RAPGEF6: variants seen among roughly 807,000 people sequenced by gnomAD.
RAPGEF6 encodes PDZ domain containing guanine nucleotide exchange factor (GEF) 2.
RAPGEF6 carries 56 observed loss-of-function variants against 171.4 expected under a neutral mutation model. The ratio of observed to expected loss-of-function variants is 0.33; its 90% CI spans 0.26 to 0.41. The LOEUF is 0.41. Ranked by LOEUF, RAPGEF6 falls within the 10% of genes least tolerant of loss-of-function variation. The pLI, the probability that RAPGEF6 is intolerant of heterozygous loss-of-function variation, is 1.00. For missense variants in RAPGEF6, 1,674 were observed against 1,921.4 expected, an observed-to-expected ratio of 0.87 and a Z score of 2.41; for synonymous variants, 692 against 650.1, an observed-to-expected ratio of 1.06 and a Z score of -0.98.
chr5:131,481,520 C>T lies in RAPGEF6; in HGVS notation c.1841-1767G>A, dbSNP rs144755982. 5.2e-3 allele frequency among the ~76,000 whole-genome samples: 795 copies of T among 152,264 alleles called. 5 individuals are homozygous for T. The highest frequency in any genetic ancestry group is 0.018 in the African/African-American group (756 of 41,546). On this transcript the variant is annotated intron_variant, in intron 15 of 27. Coordinates refer to ENST00000509018, the MANE Select transcript of RAPGEF6 (RefSeq NM_016340.6). ...GCTGGGATTACAGGCGTTAAGCCAC[C>T]GTGCCCGGCCTCAGATATCTTTCTA...
chr5:131,547,708 A>C (rs536648540), intron 6 of RAPGEF6, among the ~76,000 whole-genome samples: 1 of 151,692 alleles, frequency 6.6e-6, no homozygotes, highest in Non-Finnish European at 1.5e-5. Flanking sequence ...TGGGGGTTTC[A>C]CCATATTGGC....
chr5:131,450,005 G>A lies in RAPGEF6; in HGVS notation c.3200+3049C>T, dbSNP rs528038196. The A allele has an allele frequency of 3.7e-5, 57 of 1,536,856 alleles. No individual in the cohort carries two copies. In the East Asian group the frequency reaches 5.8e-4, roughly 16 times the overall value. The stretch of plus-strand genomic sequence containing the variant: ...GTCGCACAACCTTCATTCCAGTTGC[G>A]TTCATCTCTACACTTACCCCAGACT... On this transcript the variant is annotated intron_variant, in intron 21 of 27. Coordinates refer to ENST00000509018, the MANE Select transcript of RAPGEF6 (RefSeq NM_016340.6).
chr5:131,519,644 C>T (rs1246949581), intron 7 of RAPGEF6, among the ~76,000 whole-genome samples: 2 of 152,148 alleles, frequency 1.3e-5, no homozygotes, highest in Admixed American at 6.5e-5. Flanking sequence ...TCAGGTAATC[C>T]GCCCGCCTAG....
intron 17 of RAPGEF6, among the ~76,000 whole-genome samples, chr5:131,465,945 G>GAAAAC (rs571685413): frequency 1.3e-5 from 2 of 151,850 alleles, no homozygotes; most frequent in African/African-American, 2.4e-5. Context: ...GCCTTTAGAG[G>GAAAAC]AAAACAAAAC....
At chr5:131,493,949 C>T (rs543812404) in intron 13 of RAPGEF6, among the ~76,000 whole-genome samples, 1 of 152,250 alleles carries the variant, frequency 6.6e-6, no homozygotes, top group Admixed American at 6.5e-5. Context: ...ACATGTGCTG[C>T]CGAGAAGTCA....
intron 17 of RAPGEF6, among the ~76,000 whole-genome samples, chr5:131,465,243 T>C (rs1214119466): frequency 1.3e-5 from 2 of 152,136 alleles, no homozygotes; most frequent in Non-Finnish European, 2.9e-5. Context: ...ATTTCTGCTA[T>C]TAGTAGAAAA....
chr5:131,571,021 T>C (rs917917548), intron 4 of RAPGEF6, among the ~76,000 whole-genome samples: 8 of 149,742 alleles, frequency 5.3e-5, no homozygotes, highest in African/African-American at 2.0e-4. Context: ...CTCCACTCAC[T>C]GCAACCTCCG....
At chr5:131,625,044 A>ACT (rs1302266429) in intron 1 of RAPGEF6, among the ~76,000 whole-genome samples, 2 of 152,014 alleles carry the variant, frequency 1.3e-5, no homozygotes, top group Non-Finnish European at 2.9e-5. Flanking sequence ...CGGGCAGATC[A>ACT]TGAGGTCAGC....
chr5:131,569,929 C>A (rs934424149), intron 4 of RAPGEF6, among the ~76,000 whole-genome samples: 3 of 149,434 alleles, frequency 2.0e-5, no homozygotes, highest in African/African-American at 4.9e-5. Context: ...GCAATCCCAG[C>A]TACTTGGGAG....
In RAPGEF6 at chr5:131,464,218, C is replaced by T. The variant is rs1420871848; in HGVS notation, c.2303G>A (p.Ser768Asn). 6.2e-7 allele frequency: 1 copy of T among 1,613,804 alleles called. No individual in the cohort carries two copies. Among genetic ancestry groups the T allele is most frequent in the Non-Finnish European group, 8.5e-7 (1 of 1,179,774 alleles). ...VDQQSCYIII[S>N]KDTTAKEVVF... is the part of the protein sequence containing the mutation. The stretch of plus-strand genomic sequence containing the variant: ...TACTTCTTTAGCTGTGGTGTCTTTA[C>T]TGATGATAATGTAGCAACTTTGCTG... The change falls in exon 18 of 28, where the codon AGT (serine) becomes AAT (asparagine). Residue 768 changes from serine (S) to asparagine (N), a missense_variant. By Grantham distance (46) the Ser-to-Asn change is conservative. Around this residue, in one of 3 missense-constraint regions of RAPGEF6, gnomAD observed 1,116 missense variants for 1,321.5 expected, o/e 0.84. Coordinates refer to ENST00000509018, the MANE Select transcript of RAPGEF6 (RefSeq NM_016340.6).
At chr5:131,443,685 C>A (rs1680120193) in intron 22 of RAPGEF6, among the ~76,000 whole-genome samples, 1 of 152,188 alleles carries the variant, frequency 6.6e-6, no homozygotes, top group Non-Finnish European at 1.5e-5. Flanking sequence ...ACTTGACTTG[C>A]TTACCTTTCC....
intron 4 of RAPGEF6, among the ~76,000 whole-genome samples, chr5:131,581,707 A>G (rs1161549855): frequency 6.6e-6 from 1 of 152,158 alleles, no homozygotes; most frequent in African/African-American, 2.4e-5. Flanking sequence ...AAAGACAGGA[A>G]TGTAAGGTCC....
Position 131,548,071 on chromosome 5 carries a change from A to G in RAPGEF6, c.471T>C (p.Asp157=). The part of the protein sequence containing the change: ...YKGERQTITD[D]VEVNSYLSLP... ...CAGAAAGATAGCTGTTAACCTCCAC[A>G]TCATCAGTAATGGTTTGGCGCTCTC... Residue 157 remains aspartate (D), a synonymous_variant, in exon 6 of 28, where the codon GAT becomes GAC. Coordinates refer to ENST00000509018, the MANE Select transcript of RAPGEF6 (RefSeq NM_016340.6). The G allele has an allele frequency of 5.6e-6, 9 of 1,613,892 alleles. No homozygotes were observed. Among genetic ancestry groups the G allele is most frequent in the Non-Finnish European group, 5.9e-6 (7 of 1,179,942 alleles).
intron 7 of RAPGEF6, among the ~76,000 whole-genome samples, chr5:131,515,871 T>G (rs1357737515): frequency 6.6e-6 from 1 of 151,940 alleles, no homozygotes; most frequent in Admixed American, 6.6e-5. Flanking sequence ...TACATTGTAG[T>G]TAGAGGTAAA....
chr5:131,578,168 T>G lies in RAPGEF6; in HGVS notation c.281+14215A>C, dbSNP rs192240441. The stretch of plus-strand genomic sequence containing the variant: ...TCAGTGGCAAGGTACACTCCAATTC[T>G]TCTATCCTGATGAAGTCCTTTTTTT... On this transcript the variant is annotated intron_variant, in intron 4 of 27. Coordinates refer to ENST00000509018, the MANE Select transcript of RAPGEF6 (RefSeq NM_016340.6). 9.7e-4 allele frequency among the ~76,000 whole-genome samples: 148 copies of G among 152,252 alleles called. 1 individual carries two copies. Among genetic ancestry groups the G allele is most frequent in the Non-Finnish European group, 1.0e-3 (69 of 68,018 alleles).
intron 1 of RAPGEF6, among the ~76,000 whole-genome samples, chr5:131,610,151 C>T (rs778325691): frequency 6.6e-6 from 1 of 152,188 alleles, no homozygotes; most frequent in Non-Finnish European, 1.5e-5. Flanking sequence ...GCAGGAAGAA[C>T]AGATGGGCCT....
chr5:131,436,073 C>T, intron 24 of RAPGEF6: 1 of 1,537,862 alleles, frequency 6.5e-7, no homozygotes, highest in South Asian at 1.2e-5. Flanking sequence ...TTGCTTCCAA[C>T]ATCCTTCACT....
At chr5:131,476,727 T>C (rs1266450751) in intron 16 of RAPGEF6, among the ~76,000 whole-genome samples, 1 of 152,190 alleles carries the variant, frequency 6.6e-6, no homozygotes, top group Non-Finnish European at 1.5e-5. Context: ...AGATGGACTT[T>C]CACAATGTTG....
chr5:131,562,009 C>T lies in RAPGEF6; in HGVS notation c.320G>A (p.Cys107Tyr). The T allele has an allele frequency of 6.3e-7, 1 of 1,590,986 alleles. No individual in the cohort carries two copies. Residue 107 changes from cysteine (C) to tyrosine (Y), a missense_variant, in exon 5 of 28, where the codon TGT (cysteine) becomes TAT (tyrosine). Coordinates refer to ENST00000509018, the MANE Select transcript of RAPGEF6 (RefSeq NM_016340.6). ...KQFGGKRGCD[C>Y]LVLEPSEMIV... Reference sequence around the variant, plus strand: ...CATTTCTGAAGGCTCTAATACAAGACAATCACATCCTCTTTTTCCTCCAAA... The same window carrying T: ...CATTTCTGAAGGCTCTAATACAAGATAATCACATCCTCTTTTTCCTCCAAA...
Sources: gnomAD v4.1 joint callset for allele counts (sites outside exome capture counted in the v4.1 genomes callset) on GRCh38, gnomAD v4.1.1 for gene constraint, gnomAD v4.1.1 regional missense constraint, MANE v1.5 for transcripts, NCBI Gene and HGNC (gene_info 2026-07-23, HGNC 2026-07-21) for gene names.